CDH9: variants seen among roughly 807,000 people sequenced by gnomAD.
CDH9 encodes the protein cadherin-9.
Under a neutral mutation model 70.9 loss-of-function variants are expected in CDH9, and 28 were observed. That is an observed-to-expected ratio of 0.40 (90% CI 0.29 to 0.54). The LOEUF is 0.54. Among genes scored for constraint, CDH9 ranks in the 20% least tolerant of loss-of-function variants. The pLI, the probability that CDH9 is intolerant of heterozygous loss-of-function variation, is 0.59. For missense variants in CDH9, 874 were observed against 984.4 expected (o/e 0.89, Z 1.50); for synonymous variants, 409 against 343.1 (o/e 1.19, Z -2.12).
chr5:27,010,922 C>T (rs1332091405), intron 1 of CDH9, among the ~76,000 whole-genome samples: 1 of 152,084 alleles, frequency 6.6e-6, no homozygotes, highest in African/African-American at 2.4e-5. Context: ...GCTGATAACA[C>T]TTTATCAACA....
chr5:26,896,012 T>C (rs1266276740), intron 7 of CDH9, among the ~76,000 whole-genome samples: 1 of 152,040 alleles, frequency 6.6e-6, no homozygotes, highest in Non-Finnish European at 1.5e-5. Context: ...CTTTCCGGTA[T>C]GGCCTTGCAA....
intron 2 of CDH9, among the ~76,000 whole-genome samples, chr5:26,937,309 C>G (rs931564301): frequency 1.1e-4 from 16 of 152,106 alleles, no homozygotes; most frequent in Non-Finnish European, 2.2e-4. Context: ...CAAACTAAAA[C>G]AATGAGACAG....
Position 27,033,630 on chromosome 5 carries a change from T to A in CDH9, c.-50+4833A>T, listed in dbSNP as rs550801210. On this transcript the variant is annotated intron_variant, in intron 1 of 11. Transcript: ENST00000231021. ...CTGCGGTTTACTTACCATTAAAATT[T>A]AAAAAAAACAAAAAACAAAAAAACA... 2.2e-4 allele frequency among the ~76,000 whole-genome samples: 34 copies of A among 151,230 alleles called. No homozygotes were observed. The East Asian group carries it at 4.3e-3, about 19-fold the overall frequency.
intron 2 of CDH9, among the ~76,000 whole-genome samples, chr5:26,977,428 T>C (rs2112080082): frequency 6.6e-6 from 1 of 151,152 alleles, no homozygotes; most frequent in Admixed American, 6.6e-5. Flanking sequence ...TAAGTAACAT[T>C]CTACAAAGTA....
chr5:26,881,524 T>A lies in CDH9; in HGVS notation c.1982A>T (p.Asp661Val). ...GGTATCTTCTTCCCCGCCGCCTTCA[T>A]CGTTGTAGGTCACAATGTTGTCCCG... ...DVRDNIVTYN[D>V]EGGGEEDTQA... Residue 661 changes from aspartate to valine, a missense_variant, in exon 12 of 12, where the codon GAT (aspartate) becomes GTT (valine). By Grantham distance (152) the Asp-to-Val change is radical. Coordinates refer to ENST00000231021, the MANE Select transcript of CDH9 (RefSeq NM_016279.4). 2 of 1,613,834 alleles carry A rather than the reference T, an allele frequency of 1.2e-6. No individual in the cohort carries two copies. The highest frequency in any genetic ancestry group is 1.7e-6 in the Non-Finnish European group (2 of 1,179,812).
At chr5:26,921,473 G>C (rs908403487) in intron 2 of CDH9, among the ~76,000 whole-genome samples, 10 of 152,280 alleles carry the variant, frequency 6.6e-5, no homozygotes, top group African/African-American at 2.4e-4. Flanking sequence ...TAGTCACTGA[G>C]AATCCCACCA....
intron 2 of CDH9, among the ~76,000 whole-genome samples, chr5:26,983,068 T>G (rs1292411529): frequency 6.6e-6 from 1 of 152,066 alleles, no homozygotes; most frequent in East Asian, 1.9e-4. Context: ...TATGTAAGAT[T>G]GTGCACAGAA....
chr5:26,938,103 C>T (rs1285546735), intron 2 of CDH9, among the ~76,000 whole-genome samples: 4 of 150,924 alleles, frequency 2.7e-5, no homozygotes, highest in Admixed American at 2.0e-4. Flanking sequence ...TATAGAAACT[C>T]TTTGTATTTC....
At chr5:26,944,690 A>C (rs1741718089) in intron 2 of CDH9, among the ~76,000 whole-genome samples, 1 of 152,220 alleles carries the variant, frequency 6.6e-6, no homozygotes, top group South Asian at 2.1e-4. Flanking sequence ...ATAAAAAGAT[A>C]ATTTATTATT....
At chr5:26,883,194 C>T (rs1166801834) in intron 11 of CDH9, among the ~76,000 whole-genome samples, 1 of 148,446 alleles carries the variant, frequency 6.7e-6, no homozygotes, top group African/African-American at 2.5e-5. Context: ...AAATTTGAGC[C>T]ATGCACTAGA....
chr5:26,909,953 A>G (rs769181839), intron 3 of CDH9, among the ~76,000 whole-genome samples: 33 of 151,926 alleles, frequency 2.2e-4, no homozygotes, highest in Non-Finnish European at 4.6e-4. Flanking sequence ...AATTATTATT[A>G]TAATTTAAAG....
chr5:26,915,573 A>G (rs768873576), intron 3 of CDH9, 57 bp downstream of exon 3: 18 of 992,840 alleles, frequency 1.8e-5, no homozygotes, highest in Non-Finnish European at 2.8e-5. Flanking sequence ...GTCAATAATA[A>G]TTACCTGAGC....
chr5:26,949,177 A>G (rs913921978), intron 2 of CDH9, among the ~76,000 whole-genome samples: 3 of 152,176 alleles, frequency 2.0e-5, no homozygotes, highest in African/African-American at 7.2e-5. Context: ...TTTTGGCTTA[A>G]CAAGGGCTAC....
At chr5:26,961,500 A>G (rs971043155) in intron 2 of CDH9, among the ~76,000 whole-genome samples, 1 of 152,154 alleles carries the variant, frequency 6.6e-6, no homozygotes, top group Non-Finnish European at 1.5e-5. Flanking sequence ...AATTATGGAT[A>G]GAATTGCATA....
chr5:26,945,446 G>T (rs1741736072), intron 2 of CDH9, among the ~76,000 whole-genome samples: 1 of 151,838 alleles, frequency 6.6e-6, no homozygotes, highest in Non-Finnish European at 1.5e-5. Flanking sequence ...TTTCTTTATT[G>T]ATATACATCT....
chr5:26,953,584 G>A (rs955118857), intron 2 of CDH9, among the ~76,000 whole-genome samples: 7 of 152,058 alleles, frequency 4.6e-5, no homozygotes, highest in African/African-American at 1.5e-4. Flanking sequence ...TGCCTGCCTT[G>A]CATTCCCAAC....
chr5:27,018,073 A>G (rs1304909419), intron 1 of CDH9, among the ~76,000 whole-genome samples: 1 of 151,856 alleles, frequency 6.6e-6, no homozygotes, highest in Non-Finnish European at 1.5e-5. Context: ...GACACAAATC[A>G]TATTTTTTAT....
chr5:26,917,512 TATTTCTTCAGCATTCC>T (rs1294367685), intron 2 of CDH9, among the ~76,000 whole-genome samples: 1 of 152,130 alleles, frequency 6.6e-6, no homozygotes, highest in Non-Finnish European at 1.5e-5. Context: ...TGCCCTCACC[TATTTCTTCAGCATTCC>T]ATTTTATCTT....
intron 7 of CDH9, among the ~76,000 whole-genome samples, chr5:26,895,696 T>C (rs1740737530): frequency 6.6e-6 from 1 of 152,072 alleles, no homozygotes; most frequent in African/African-American, 2.4e-5. Context: ...ATTGTAACCA[T>C]AATCTCATGT....
Sources: allele counts gnomAD v4.1 joint callset (sites outside exome capture counted in the v4.1 genomes callset), GRCh38; gene constraint gnomAD v4.1.1; transcripts MANE v1.5; gene names NCBI Gene and HGNC (gene_info 2026-07-23, HGNC 2026-07-21).